The following DCLK1 variants were observed in gnomAD, a reference collection of about 807,000 sequenced individuals.
The protein encoded by DCLK1 is serine/threonine-protein kinase DCLK1.
DCLK1 carries 16 observed loss-of-function variants against 86.2 expected under a neutral mutation model. The observed-to-expected ratio is 0.19, with a 90% confidence interval of 0.13 to 0.28. The LOEUF is 0.28. DCLK1 is among the 10% of genes least tolerant of loss of function. The pLI is 1.00. For missense variants in DCLK1, 590 were observed against 940.2 expected, an observed-to-expected ratio of 0.63 and a Z score of 4.87; for synonymous variants, 369 against 370.5, an observed-to-expected ratio of 1.00 and a Z score of 0.05.
intron 3 of DCLK1, among the ~76,000 whole-genome samples, chr13:36,012,342 G>T (rs1881311595): frequency 6.6e-6 from 1 of 151,552 alleles, no homozygotes; most frequent in Admixed American, 6.6e-5. Flanking sequence ...TTACATTTTG[G>T]CATGATTTTG....
intron 5 of DCLK1, among the ~76,000 whole-genome samples, chr13:35,860,539 C>A (rs1871322684): frequency 6.6e-6 from 1 of 151,834 alleles, no homozygotes; most frequent in South Asian, 2.1e-4. Context: ...AGGAGGGGCC[C>A]CAGGAACAGA....
At chr13:36,080,772 A>T (rs1884394915) in intron 3 of DCLK1, among the ~76,000 whole-genome samples, 1 of 152,194 alleles carries the variant, frequency 6.6e-6, no homozygotes, top group South Asian at 2.1e-4. Flanking sequence ...CTCTGTGATG[A>T]GGAATCCCTT....
In DCLK1 at chr13:36,029,208, G is replaced by A. The variant is rs144389151; in HGVS notation, c.724-81751C>T. 2.1e-3 allele frequency among the ~76,000 whole-genome samples: 326 copies of A among 152,216 alleles called. 2 individuals are homozygous for A. Among genetic ancestry groups the A allele is most frequent in the African/African-American group, 7.7e-3 (318 of 41,518 alleles). ...AACAGTGACACCTACTCTTTCTTCA[G>A]TCCTCAGCTCAGGAATCACTTCCCT... On this transcript the variant is annotated intron_variant, in intron 3 of 16. Transcript: ENST00000360631.
At chr13:35,975,913 C>A (rs1376081838) in intron 3 of DCLK1, among the ~76,000 whole-genome samples, 1 of 152,192 alleles carries the variant, frequency 6.6e-6, no homozygotes, top group Non-Finnish European at 1.5e-5. Flanking sequence ...GCACTACCAG[C>A]TGCAAAGCCA....
chr13:35,847,915 A>G lies in DCLK1; in HGVS notation c.1035+6584T>C, dbSNP rs567942969. On this transcript the variant is annotated intron_variant, in intron 6 of 16. Transcript: ENST00000360631. Reference sequence around the variant, plus strand: ...CCCCCTGCCTAGTTGATTAAACAAGACAAAAACACACCATGTGGCTTTCAG... The same window carrying G: ...CCCCCTGCCTAGTTGATTAAACAAGGCAAAAACACACCATGTGGCTTTCAG... 5.1e-5 allele frequency: 50 copies of G among 985,296 alleles called. No individual in the cohort carries two copies. The South Asian group carries it at 2.2e-3, about 44-fold the overall frequency. The allele number at this position is 985,296 out of a possible 1,614,324, so 61.0% of individuals were successfully genotyped here. A position where few individuals can be genotyped will look rare whatever the true frequency, so the allele number is the denominator to read the frequency against.
intron 3 of DCLK1, among the ~76,000 whole-genome samples, chr13:35,964,551 G>A (rs768362211): frequency 8.8e-4 from 134 of 152,204 alleles, no homozygotes; most frequent in Admixed American, 1.0e-3. Flanking sequence ...CATGTGGCCG[G>A]AAATATTTGT....
intron 4 of DCLK1, among the ~76,000 whole-genome samples, chr13:35,888,372 G>T (rs1873424341): frequency 6.6e-6 from 1 of 152,268 alleles, no homozygotes; most frequent in Non-Finnish European, 1.5e-5. Flanking sequence ...AAGAAAAGAA[G>T]AAAAGGTTAG....
chr13:35,803,231 C>T (rs1050578523), intron 15 of DCLK1, among the ~76,000 whole-genome samples: 2 of 152,024 alleles, frequency 1.3e-5, no homozygotes, highest in Admixed American at 1.3e-4. Context: ...ACAATAATAC[C>T]CATCCTGCTT....
intron 3 of DCLK1, among the ~76,000 whole-genome samples, chr13:36,102,888 A>G (rs1007160658): frequency 6.6e-5 from 10 of 152,186 alleles, no homozygotes; most frequent in Non-Finnish European, 8.8e-5. Flanking sequence ...GGCTCTACAG[A>G]CAAGTCACAA....
At chr13:35,784,981 C>T (rs2086594192) in intron 16 of DCLK1, among the ~76,000 whole-genome samples, 1 of 152,130 alleles carries the variant, frequency 6.6e-6, no homozygotes, top group Non-Finnish European at 1.5e-5. Context: ...AGCATGACAG[C>T]GCGGCCATCA....
chr13:35,869,471 G>T (rs1422973014), intron 5 of DCLK1, among the ~76,000 whole-genome samples: 1 of 152,206 alleles, frequency 6.6e-6, no homozygotes, highest in African/African-American at 2.4e-5. Flanking sequence ...TAAAAGGTCT[G>T]CTCTTGGATT....
chr13:35,927,113 A>C (rs1876166419), intron 4 of DCLK1, among the ~76,000 whole-genome samples: 1 of 152,228 alleles, frequency 6.6e-6, no homozygotes, highest in South Asian at 2.1e-4. Context: ...TGAACTAGAA[A>C]TTCCTTAAGG....
intron 3 of DCLK1, among the ~76,000 whole-genome samples, chr13:36,100,781 C>G (rs1555235917): frequency 6.6e-6 from 1 of 152,158 alleles, no homozygotes; most frequent in Non-Finnish European, 1.5e-5. Context: ...ACCTCCCAGG[C>G]TGTGTTATAA....
At chr13:35,861,095 G>A (rs1871353818) in intron 5 of DCLK1, among the ~76,000 whole-genome samples, 1 of 152,214 alleles carries the variant, frequency 6.6e-6, no homozygotes, top group African/African-American at 2.4e-5. Context: ...GGTGATGGCA[G>A]CAGGTTGGAC....
In DCLK1 at chr13:35,850,839, G is replaced by A. The variant is rs987518375; in HGVS notation, c.1035+3660C>T. On this transcript the variant is annotated intron_variant, in intron 6 of 16. Transcript: ENST00000360631. Reference sequence around the variant, plus strand: ...CTTTCTTGGGTGCCCTGTGGCTCTCGTGAGAGCAGCACTGAATGGGCATCC... The same window carrying A: ...CTTTCTTGGGTGCCCTGTGGCTCTCATGAGAGCAGCACTGAATGGGCATCC... 1.7e-5 allele frequency: 25 copies of A among 1,446,496 alleles called. 1 individual carries two copies. Among genetic ancestry groups the A allele is most frequent in the Middle Eastern group, 1.8e-4 (1 of 5,466 alleles). 89.6% of individuals were successfully genotyped at this position (1,446,496 alleles called of 1,614,324 possible). A position where few individuals can be genotyped will look rare whatever the true frequency, so the allele number is the denominator to read the frequency against.
At chr13:35,953,534 A>G (rs1877817391) in intron 3 of DCLK1, among the ~76,000 whole-genome samples, 1 of 152,110 alleles carries the variant, frequency 6.6e-6, no homozygotes, top group Admixed American at 6.5e-5. Context: ...TGAAATCTGA[A>G]TTCATATCTT....
chr13:35,881,401 T>C (rs1213145878), intron 4 of DCLK1, among the ~76,000 whole-genome samples: 1 of 152,164 alleles, frequency 6.6e-6, no homozygotes, highest in Non-Finnish European at 1.5e-5. Flanking sequence ...TACCAACTGC[T>C]TCCATCAGGG....
At chr13:36,092,778 G>A (rs1884881865) in intron 3 of DCLK1, among the ~76,000 whole-genome samples, 1 of 151,128 alleles carries the variant, frequency 6.6e-6, no homozygotes, top group South Asian at 2.1e-4. Context: ...GAGCCACCGC[G>A]CCCGGCCGCG....
chr13:35,866,010 T>C (rs1016760577), intron 5 of DCLK1, among the ~76,000 whole-genome samples: 9 of 152,044 alleles, frequency 5.9e-5, no homozygotes, highest in Admixed American at 5.9e-4. Context: ...CTCTAGTAAG[T>C]GGAGGTGAAG....
Sources: allele counts gnomAD v4.1 joint callset (sites outside exome capture counted in the v4.1 genomes callset), GRCh38; gene constraint gnomAD v4.1.1; transcripts MANE v1.5; gene names NCBI Gene and HGNC (gene_info 2026-07-23, HGNC 2026-07-21).